The following BICD1 variants were observed in gnomAD, a reference collection of about 807,000 sequenced individuals.
The protein encoded by BICD1 is BICD cargo adaptor 1.
A neutral mutation model predicts 92.5 loss-of-function variants in BICD1; 35 were observed. The observed-to-expected ratio is 0.38, with a 90% CI of 0.29 to 0.50. The LOEUF is 0.50. Ranked by LOEUF, BICD1 falls within the 20% of genes least tolerant of loss-of-function variation. BICD1 has a pLI of 0.93. For synonymous variants in BICD1, 429 were observed against 465.1 expected (o/e 0.92, Z 1.00); for missense variants, 950 against 1,189.8 (o/e 0.80, Z 2.97).
chr12:32,225,009 C>T (rs1284893329), intron 2 of BICD1, among the ~76,000 whole-genome samples: 1 of 152,106 alleles, frequency 6.6e-6, no homozygotes, highest in Non-Finnish European at 1.5e-5. Context: ...TGAATTTTAA[C>T]TTGTAAATAG....
chr12:32,301,021 T>C (rs1948030316), intron 3 of BICD1, among the ~76,000 whole-genome samples: 1 of 152,112 alleles, frequency 6.6e-6, no homozygotes, highest in South Asian at 2.1e-4. Context: ...TCTGAAGCAA[T>C]TTCCAAGTTG....
intron 1 of BICD1, among the ~76,000 whole-genome samples, chr12:32,192,518 T>C (rs1944605876): frequency 6.7e-6 from 1 of 148,642 alleles, no homozygotes; most frequent in African/African-American, 2.6e-5. Flanking sequence ...ATACAGAAAG[T>C]TTGAGTCTTC....
intron 8 of BICD1, among the ~76,000 whole-genome samples, chr12:32,360,610 T>A (rs898140623): frequency 6.6e-6 from 1 of 152,154 alleles, no homozygotes; most frequent in Non-Finnish European, 1.5e-5. Flanking sequence ...TGTCTGAACT[T>A]GGGCAAGCAA....
Position 32,167,825 on chromosome 12 carries a change from C to T in BICD1, c.214-48422C>T, listed in dbSNP as rs114052373. ...GTGATTGAGGGAAACCCAGAAACAG[C>T]TTTGTGTTGTGGTTAACAGCACAGA... On this transcript the variant is annotated intron_variant, in intron 1 of 9. Coordinates refer to ENST00000652176, the MANE Select transcript of BICD1 (RefSeq NM_001714.4). Among the ~76,000 whole-genome samples, 796 of 152,302 alleles carry T rather than the reference C, an allele frequency of 5.2e-3. 10 individuals are homozygous for T. Among genetic ancestry groups the T allele is most frequent in the African/African-American group, 0.018 (767 of 41,562 alleles).
At chr12:32,301,403 A>C (rs1459992953) in intron 3 of BICD1, among the ~76,000 whole-genome samples, 2 of 152,100 alleles carry the variant, frequency 1.3e-5, no homozygotes. Context: ...AAGGTTGGAG[A>C]GAGTCAGTCA....
At chr12:32,202,714 A>T (rs938545603) in intron 1 of BICD1, among the ~76,000 whole-genome samples, 2 of 152,088 alleles carry the variant, frequency 1.3e-5, no homozygotes, top group Non-Finnish European at 2.9e-5. Context: ...AGGCTCAAGC[A>T]GTCCTCCCAT....
intron 1 of BICD1, among the ~76,000 whole-genome samples, chr12:32,171,433 T>C (rs1037210352): frequency 1.3e-5 from 2 of 152,192 alleles, no homozygotes; most frequent in African/African-American, 4.8e-5. Context: ...CACTAGGTAT[T>C]CTTATGCAGA....
chr12:32,333,657 A>C (rs1398235839), intron 5 of BICD1, among the ~76,000 whole-genome samples: 1 of 152,190 alleles, frequency 6.6e-6, no homozygotes, highest in Non-Finnish European at 1.5e-5. Context: ...ATGTGTTCCC[A>C]GTTTGGCTTC....
chr12:32,153,290 C>G (rs967187510), intron 1 of BICD1, among the ~76,000 whole-genome samples: 1 of 152,114 alleles, frequency 6.6e-6, no homozygotes, highest in Non-Finnish European at 1.5e-5. Context: ...TGTTTATATA[C>G]CACATTTTCT....
At chr12:32,187,992 G>A (rs1193156940) in intron 1 of BICD1, among the ~76,000 whole-genome samples, 1 of 151,578 alleles carries the variant, frequency 6.6e-6, no homozygotes, top group East Asian at 2.0e-4. Context: ...AGGCTAGAGT[G>A]CAATGGCACG....
chr12:32,252,306 C>T (rs910608313), intron 2 of BICD1, among the ~76,000 whole-genome samples: 1 of 148,870 alleles, frequency 6.7e-6, no homozygotes, highest in Non-Finnish European at 1.5e-5. Flanking sequence ...ATGGTCCTAG[C>T]AAACCAGTTT....
chr12:32,297,927 T>G (rs1947919322), intron 3 of BICD1, among the ~76,000 whole-genome samples: 1 of 152,168 alleles, frequency 6.6e-6, no homozygotes, highest in African/African-American at 2.4e-5. Context: ...GGCTCATGCC[T>G]GTAATCTCAG....
intron 1 of BICD1, among the ~76,000 whole-genome samples, chr12:32,198,901 C>G (rs1944817176): frequency 6.6e-6 from 1 of 152,052 alleles, no homozygotes; most frequent in South Asian, 2.1e-4. Context: ...GACATTTTTT[C>G]CCTTGACATC....
At chr12:32,317,261 A>G (rs1948529686) in intron 4 of BICD1, among the ~76,000 whole-genome samples, 1 of 152,214 alleles carries the variant, frequency 6.6e-6, no homozygotes, top group Non-Finnish European at 1.5e-5. Flanking sequence ...TTCTAGTTCT[A>G]GATCCCTGAG....
intron 2 of BICD1, among the ~76,000 whole-genome samples, chr12:32,231,569 T>G (rs1945888177): frequency 2.1e-5 from 1 of 47,628 alleles, no homozygotes; most frequent in Non-Finnish European, 5.3e-5. Context: ...CTTTATTTAT[T>G]TATTTATTTA....
chr12:32,343,237 T>C (rs556055699), intron 8 of BICD1, among the ~76,000 whole-genome samples: 1 of 152,326 alleles, frequency 6.6e-6, no homozygotes, highest in East Asian at 1.9e-4. Context: ...CAGCAGATTG[T>C]ATGTCTTCAC....
intron 4 of BICD1, among the ~76,000 whole-genome samples, chr12:32,310,111 G>A (rs1226885990): frequency 6.6e-6 from 1 of 152,154 alleles, no homozygotes; most frequent in Non-Finnish European, 1.5e-5. Flanking sequence ...CAGCAGTTCA[G>A]GTTTTCTTCC....
At chr12:32,354,974 G>C (rs550292995) in intron 8 of BICD1, among the ~76,000 whole-genome samples, 30 of 152,176 alleles carry the variant, frequency 2.0e-4, no homozygotes, top group African/African-American at 7.2e-4. Context: ...GTTACTACAA[G>C]GAGAATGTAT....
chr12:32,137,577 A>G (rs1160199412), intron 1 of BICD1, among the ~76,000 whole-genome samples: 9 of 152,174 alleles, frequency 5.9e-5, no homozygotes, highest in Admixed American at 5.9e-4. Context: ...ATCTTCTGAC[A>G]TCATGTAAAG....
Sources: allele counts gnomAD v4.1 joint callset (sites outside exome capture counted in the v4.1 genomes callset), GRCh38; gene constraint gnomAD v4.1.1; transcripts MANE v1.5; gene names NCBI Gene and HGNC (gene_info 2026-07-23, HGNC 2026-07-21).